HDAC9: variants seen among roughly 807,000 people sequenced by gnomAD.
HDAC9 encodes MEF-2 interacting transcription repressor (MITR) protein.
HDAC9 carries 41 observed loss-of-function variants against 139.4 expected under a neutral mutation model. The observed-to-expected ratio is 0.29, with a 90% CI of 0.23 to 0.38. The LOEUF (loss-of-function observed/expected upper bound fraction) is 0.38, where lower values mean the gene tolerates loss of function less well. Among genes scored for constraint, HDAC9 ranks in the 10% least tolerant of loss-of-function variants. The probability of loss-of-function intolerance (pLI) is 1.00; values close to 1 mark genes in which losing one functional copy is unlikely to be tolerated. For synonymous variants in HDAC9, 517 were observed against 476.2 expected (o/e 1.09, Z -1.12); for missense variants, 1,147 against 1,297.0 (o/e 0.88, Z 1.78).
chr7:18,799,205 T>A (rs546807873), intron 17 of HDAC9, among the ~76,000 whole-genome samples: 5 of 152,216 alleles, frequency 3.3e-5, no homozygotes, highest in Admixed American at 3.3e-4. Context: ...TTCAGTAGCA[T>A]ATAAAACATA....
chr7:18,146,204 G>A (rs1030152312), intron 1 of HDAC9, among the ~76,000 whole-genome samples: 2 of 152,158 alleles, frequency 1.3e-5, no homozygotes, highest in South Asian at 2.1e-4. Flanking sequence ...ATAACTTAAT[G>A]TCTGGCTGAG....
At chr7:18,636,971 A>G (rs764240410) in intron 8 of HDAC9, among the ~76,000 whole-genome samples, 1 of 152,062 alleles carries the variant, frequency 6.6e-6, no homozygotes, top group Non-Finnish European at 1.5e-5. Flanking sequence ...TCTGGGTTCT[A>G]ATCAGTCCCT....
intron 3 of HDAC9, among the ~76,000 whole-genome samples, chr7:18,586,805 T>C (rs908131768): frequency 3.3e-5 from 5 of 152,162 alleles, no homozygotes; most frequent in African/African-American, 1.2e-4. Context: ...TATTTTCTTT[T>C]GTCCCAAATG....
intron 2 of HDAC9, among the ~76,000 whole-genome samples, chr7:18,269,989 G>T (rs1379459797): frequency 1.4e-4 from 22 of 152,072 alleles, no homozygotes; most frequent in Non-Finnish European, 1.5e-5. Flanking sequence ...GATATATTGG[G>T]CTGGATAATT....
chr7:18,654,772 G>A (rs1027188914), intron 11 of HDAC9, among the ~76,000 whole-genome samples: 28 of 152,050 alleles, frequency 1.8e-4, no homozygotes, highest in African/African-American at 6.8e-4. Context: ...GATTTGCCAC[G>A]ATGAAGAAAT....
intron 2 of HDAC9, among the ~76,000 whole-genome samples, chr7:18,523,366 A>G (rs1805703307): frequency 6.6e-6 from 1 of 152,194 alleles, no homozygotes; most frequent in Admixed American, 6.6e-5. Context: ...GAATAGGGAG[A>G]GAATAGTAAG....
chr7:18,932,370 T>C (rs1804822268), intron 22 of HDAC9, among the ~76,000 whole-genome samples: 1 of 152,186 alleles, frequency 6.6e-6, no homozygotes, highest in Non-Finnish European at 1.5e-5. Context: ...TATGAGACAT[T>C]ACATATTCTT....
At chr7:18,617,930 G>T (rs2128930897) in intron 6 of HDAC9, among the ~76,000 whole-genome samples, 1 of 152,240 alleles carries the variant, frequency 6.6e-6, no homozygotes, top group Non-Finnish European at 1.5e-5. Flanking sequence ...ACTGCTTCCG[G>T]ATGACTGTAA....
chr7:18,596,209 T>C (rs975678023), intron 6 of HDAC9, among the ~76,000 whole-genome samples: 15 of 152,108 alleles, frequency 9.9e-5, no homozygotes, highest in Admixed American at 9.2e-4. Context: ...ATCGTAGCAA[T>C]AAAGTTCTTG....
At chr7:18,185,602 C>T (rs1022762228) in intron 2 of HDAC9, among the ~76,000 whole-genome samples, 1 of 152,094 alleles carries the variant, frequency 6.6e-6, no homozygotes, top group African/African-American at 2.4e-5. Flanking sequence ...GAGTACATAT[C>T]TATACTTTTT....
intron 1 of HDAC9, among the ~76,000 whole-genome samples, chr7:18,449,577 C>T (rs556038994): frequency 2.0e-5 from 3 of 152,158 alleles, no homozygotes; most frequent in African/African-American, 7.2e-5. Context: ...AAGATATACA[C>T]CTATGGTTTG....
At chr7:18,563,071 A>G (rs1271344626) in intron 2 of HDAC9, among the ~76,000 whole-genome samples, 5 of 152,134 alleles carry the variant, frequency 3.3e-5, no homozygotes, top group African/African-American at 9.7e-5. Context: ...AAGATTTCAT[A>G]AATATATTAT....
At chr7:18,373,467 A>G (rs1429990309) in intron 1 of HDAC9, among the ~76,000 whole-genome samples, 1 of 152,212 alleles carries the variant, frequency 6.6e-6, no homozygotes, top group African/African-American at 2.4e-5. Context: ...AAAAAGATGT[A>G]TATTTGGAGG....
intron 6 of HDAC9, among the ~76,000 whole-genome samples, chr7:18,598,717 C>G (rs1583896872): frequency 6.6e-6 from 1 of 152,284 alleles, no homozygotes; most frequent in African/African-American, 2.4e-5. Flanking sequence ...TGTAGAAGGT[C>G]TTTTTAATGT....
At position 18,252,949 on chromosome 7, in the gene HDAC9, C is replaced by T. The variant is rs565225535; in HGVS notation, c.25+90600C>T. ...CTCCACCCCAGTGTGTGTTGTTCCC[C>T]TCTATCTGTCCGTGTGTTCTCCTCA... On this transcript the variant is annotated intron_variant, in intron 2 of 12. Transcript: ENST00000417496. Among the ~76,000 whole-genome samples the T allele has an allele frequency of 2.6e-5, 4 of 152,252 alleles. No homozygotes were observed. In the East Asian group the frequency reaches 7.7e-4, roughly 29 times the overall value.
intron 2 of HDAC9, among the ~76,000 whole-genome samples, chr7:18,522,120 C>A (rs1039817150): frequency 6.6e-6 from 1 of 151,948 alleles, no homozygotes; most frequent in Admixed American, 6.6e-5. Context: ...AAATTAACAC[C>A]GCGAGAAATG....
chr7:18,844,883 C>G (rs908637970), intron 21 of HDAC9, among the ~76,000 whole-genome samples: 2 of 152,130 alleles, frequency 1.3e-5, no homozygotes, highest in African/African-American at 4.8e-5. Flanking sequence ...GTAGAAGTTT[C>G]TGACACTGTA....
chr7:18,148,543 G>A (rs141750622), intron 1 of HDAC9, among the ~76,000 whole-genome samples: 1 of 152,110 alleles, frequency 6.6e-6, no homozygotes, highest in South Asian at 2.1e-4. Flanking sequence ...TGCAACCTCC[G>A]CCTCCCGGGC....
At chr7:18,092,123 T>C (rs1437996092) in intron 1 of HDAC9, among the ~76,000 whole-genome samples, 1 of 152,192 alleles carries the variant, frequency 6.6e-6, no homozygotes, top group Non-Finnish European at 1.5e-5. Flanking sequence ...CAGTGGCTTA[T>C]GCCGGTAATC....
Sources: gnomAD v4.1 joint callset for allele counts (sites outside exome capture counted in the v4.1 genomes callset) on GRCh38, gnomAD v4.1.1 for gene constraint, MANE v1.5 for transcripts, NCBI Gene and HGNC (gene_info 2026-07-23, HGNC 2026-07-21) for gene names.